Variants in OXR1 observed in about 807,000 individuals in gnomAD.
The protein encoded by OXR1 is oxidation resistance 1, also known as oxidation resistance protein 1.
In OXR1, 41 loss-of-function variants were observed where a neutral mutation model predicts 104.6. The observed-to-expected ratio is 0.39, with a 90% CI of 0.31 to 0.51. The LOEUF is 0.51. OXR1 is among the 20% of genes least tolerant of loss of function. OXR1 has a pLI of 0.77. For synonymous variants in OXR1, 348 were observed against 348.4 expected, an observed-to-expected ratio of 1.00 and a Z score of 0.01; for missense variants, 955 against 1,031.9, an observed-to-expected ratio of 0.93 and a Z score of 1.02.
rs1199884287 is a variant in OXR1 at position 106,706,761 on chromosome 8, T to A, written c.1240T>A (p.Leu414Ile). The A allele has an allele frequency of 6.2e-6, 10 of 1,612,650 alleles. No homozygotes were observed. The highest frequency in any genetic ancestry group is 7.6e-6 in the Non-Finnish European group (9 of 1,179,694). The change falls in exon 9 of 17, where the codon TTA (leucine) becomes ATA (isoleucine). Residue 414 changes from leucine (L) to isoleucine (I), a missense_variant. By Grantham distance (5) the Leu-to-Ile change is conservative. Coordinates refer to ENST00000517566, the MANE Select transcript of OXR1 (RefSeq NM_001198533.2). ...EVGTLCHKTD[L>I]NNLEMAIKED... ...TGGGACTTTATGTCATAAAACTGAT[T>A]TAAATAATCTTGAAATGGCCATTAA... is the stretch of plus-strand genomic sequence containing the variant.
At chr8:106,654,073 C>G (rs535824657) in intron 3 of OXR1, among the ~76,000 whole-genome samples, 1 of 152,044 alleles carries the variant, frequency 6.6e-6, no homozygotes, top group Non-Finnish European at 1.5e-5. Context: ...TGAAGATCTA[C>G]CTAAATGGAA....
chr8:106,410,799 A>G (rs1299465709), intron 2 of OXR1, among the ~76,000 whole-genome samples: 1 of 152,166 alleles, frequency 6.6e-6, no homozygotes, highest in Non-Finnish European at 1.5e-5. Flanking sequence ...GAAGACAACA[A>G]TAATTTCTAA....
chr8:106,447,950 A>G, intron 2 of OXR1: 1 of 1,534,890 alleles, frequency 6.5e-7, no homozygotes, highest in East Asian at 2.4e-5. Flanking sequence ...CGGGGCTCAC[A>G]GGTAACAGAA....
At chr8:106,408,161 C>T (rs1172490280) in intron 2 of OXR1, among the ~76,000 whole-genome samples, 4 of 152,060 alleles carry the variant, frequency 2.6e-5, no homozygotes, top group Non-Finnish European at 4.4e-5. Context: ...CTTGAGAACC[C>T]CTGAATTATA....
In OXR1 at chr8:106,293,965, ATTT is replaced by A. The variant is rs61559960; in HGVS notation, c.-139+23617_-139+23619del. Among the ~76,000 whole-genome samples, 696 of 124,348 alleles carry A rather than the reference ATTT, an allele frequency of 5.6e-3. 1 individual carries two copies. Among genetic ancestry groups the A allele is most frequent in the Non-Finnish European group, 8.7e-3 (544 of 62,186 alleles). 81.6% of individuals were successfully genotyped at this position (124,348 alleles called of 152,430 possible). A position where few individuals can be genotyped will look rare whatever the true frequency, so the allele number is the denominator to read the frequency against. On this transcript the variant is annotated intron_variant, in intron 1 of 16. Transcript: ENST00000517566. ...TTCTAGATTTTCATATGACAGTTTA[ATTT>A]TTTTTTTTTTTTTTTTTTGGTAAGT...
intron 13 of OXR1, 198 bp from the exon 14 acceptor site, chr8:106,740,145 A>G (rs1834794572): frequency 4.2e-6 from 2 of 471,646 alleles, no homozygotes; most frequent in African/African-American, 4.0e-5. Flanking sequence ...TATTTTCCTA[A>G]TAGACAATTA....
intron 2 of OXR1, among the ~76,000 whole-genome samples, chr8:106,382,710 AGG>A (rs888598904): frequency 6.2e-5 from 6 of 96,480 alleles, no homozygotes; most frequent in Non-Finnish European, 1.3e-4. Context: ...TTTTTTTTTA[AGG>A]AGAGAGAGAA....
intron 3 of OXR1, among the ~76,000 whole-genome samples, chr8:106,668,028 G>A (rs1257509109): frequency 1.3e-5 from 2 of 150,658 alleles, no homozygotes; most frequent in Non-Finnish European, 3.0e-5. Flanking sequence ...TCAGTTTTAG[G>A]TGGGATATAT....
In OXR1 at chr8:106,421,817, C is replaced by A. The variant is rs112644813; in HGVS notation, c.23+62181C>A. ...ACTGGGAGAGGCCATGAATTGTAGT[C>A]ATTAATGCCATCAATCTACAGCAAT... On this transcript the variant is annotated intron_variant, in intron 2 of 16. Transcript: ENST00000517566. Among the ~76,000 whole-genome samples the A allele has an allele frequency of 7.4e-3, 478 of 64,828 alleles. 4 individuals carry two copies. The highest frequency in any genetic ancestry group is 0.044 in the African/African-American group (458 of 10,324). The allele number at this position is 64,828 out of a possible 152,430, so 42.5% of individuals were successfully genotyped here. A position where few individuals can be genotyped will look rare whatever the true frequency, so the allele number is the denominator to read the frequency against.
chr8:106,436,878 C>T (rs1264290384), intron 2 of OXR1, among the ~76,000 whole-genome samples: 2 of 152,144 alleles, frequency 1.3e-5, no homozygotes. Flanking sequence ...ACCTGAAATA[C>T]ATGCTCCCCC....
intron 5 of OXR1, among the ~76,000 whole-genome samples, chr8:106,683,509 G>T (rs1167667358): frequency 6.6e-6 from 1 of 152,016 alleles, no homozygotes; most frequent in East Asian, 1.9e-4. Flanking sequence ...GAAAATAATT[G>T]TAGATTTTTC....
chr8:106,324,833 A>G (rs1814397557), intron 1 of OXR1, among the ~76,000 whole-genome samples: 1 of 152,176 alleles, frequency 6.6e-6, no homozygotes, highest in Non-Finnish European at 1.5e-5. Flanking sequence ...TTGGAACCAT[A>G]AGGTCTCTGT....
At chr8:106,609,333 A>G (rs530675133) in intron 3 of OXR1, among the ~76,000 whole-genome samples, 1 of 152,192 alleles carries the variant, frequency 6.6e-6, no homozygotes, top group Non-Finnish European at 1.5e-5. Context: ...AAGAAGCATC[A>G]AAGCAAGTGC....
intron 1 of OXR1, among the ~76,000 whole-genome samples, chr8:106,294,228 C>A (rs1360860338): frequency 6.6e-6 from 1 of 151,088 alleles, no homozygotes; most frequent in Non-Finnish European, 1.5e-5. Context: ...TGGTGAAACC[C>A]CGTCTCTTAA....
intron 2 of OXR1, among the ~76,000 whole-genome samples, chr8:106,468,228 A>G (rs1309257169): frequency 6.6e-6 from 1 of 152,006 alleles, no homozygotes; most frequent in East Asian, 1.9e-4. Flanking sequence ...CATTTTAATG[A>G]GTATAGTAAG....
At chr8:106,493,873 C>A (rs568536594) in intron 2 of OXR1, among the ~76,000 whole-genome samples, 1 of 152,226 alleles carries the variant, frequency 6.6e-6, no homozygotes, top group African/African-American at 2.4e-5. Context: ...AAGGTAAGGA[C>A]ACACTCTTAG....
intron 9 of OXR1, among the ~76,000 whole-genome samples, chr8:106,709,063 T>A (rs540053255): frequency 2.0e-5 from 3 of 152,272 alleles, no homozygotes; most frequent in African/African-American, 7.2e-5. Context: ...AATATTTTTT[T>A]AATTCAAAAC....
intron 1 of OXR1, among the ~76,000 whole-genome samples, chr8:106,351,970 G>A (rs897581239): frequency 1.3e-5 from 2 of 152,044 alleles, no homozygotes; most frequent in South Asian, 2.1e-4. Flanking sequence ...GTTGGTAATC[G>A]CATCCAGGAG....
intron 1 of OXR1, among the ~76,000 whole-genome samples, chr8:106,340,619 C>A (rs1815204350): frequency 6.6e-6 from 1 of 152,034 alleles, no homozygotes; most frequent in Non-Finnish European, 1.5e-5. Flanking sequence ...TTGTTATTGT[C>A]TTTTTCCTCC....
Sources: gnomAD v4.1 joint callset for allele counts (sites outside exome capture counted in the v4.1 genomes callset) on GRCh38, gnomAD v4.1.1 for gene constraint, MANE v1.5 for transcripts, NCBI Gene and HGNC (gene_info 2026-07-23, HGNC 2026-07-21) for gene names.